JAK1: variants seen among roughly 807,000 people sequenced by gnomAD.
The protein encoded by JAK1 is tyrosine-protein kinase JAK1.
Under a neutral mutation model 136.6 loss-of-function variants are expected in JAK1, and 16 were observed. That is an observed-to-expected ratio of 0.12 (90% CI 0.08 to 0.18). The LOEUF is 0.18. JAK1 is among the 10% of genes least tolerant of loss of function. The pLI is 1.00. For missense variants in JAK1, 859 were observed against 1,450.1 expected (o/e 0.59, Z 6.62); for synonymous variants, 492 against 519.5 (o/e 0.95, Z 0.72).
chr1:65,023,104 C>T (rs1646950576), intron 2 of JAK1: 1 of 151,686 alleles, frequency 6.6e-6, no homozygotes, highest in Admixed American at 6.6e-5. Flanking sequence ...GGTTCAATGA[C>T]TTTTTTTTAA....
intron 2 of JAK1, chr1:64,990,403 T>A (rs1260037661): frequency 1.3e-5 from 2 of 151,338 alleles, no homozygotes; most frequent in Non-Finnish European, 2.9e-5. Context: ...TCTGCAAAAA[T>A]AGGAAAAGTT....
chr1:65,017,853 C>T (rs534358137), intron 2 of JAK1, among the ~76,000 whole-genome samples: 6 of 149,816 alleles, frequency 4.0e-5, no homozygotes, highest in South Asian at 2.1e-4. Context: ...TCACTCTTGT[C>T]GCCCAGGCTG....
At position 64,984,028 on chromosome 1, in the gene JAK1, C is replaced by A. The variant is rs1258503094; in HGVS notation, c.-78+60452G>T. Among the ~76,000 whole-genome samples, 1 of 152,224 alleles carries A rather than the reference C, an allele frequency of 6.6e-6. No homozygotes were observed. The highest frequency in any genetic ancestry group is 1.9e-4 in the East Asian group (1 of 5,200). On this transcript the variant is annotated intron_variant, in intron 2 of 25. Coordinates refer to the JAK1 transcript ENST00000671954. This position sits in a 1 kb window ranked among gnomAD's most constrained non-coding sequence, Gnocchi z 4.1. ...CACCTTAACCGCTCCAGCATCAAAT[C>A]TTCTACTCTATAACCTCTTTTAAAC... is the stretch of plus-strand genomic sequence containing the variant.
At chr1:64,919,800 G>C (rs987465409) in intron 1 of JAK1, among the ~76,000 whole-genome samples, 1 of 152,028 alleles carries the variant, frequency 6.6e-6, no homozygotes, top group African/African-American at 2.4e-5. Context: ...TTTTCCTAAT[G>C]AGTCTTTCAA....
At chr1:65,021,438 C>CTTGTCCCAGGCTA (rs1646936041) in intron 2 of JAK1, among the ~76,000 whole-genome samples, 1 of 152,162 alleles carries the variant, frequency 6.6e-6, no homozygotes, top group Non-Finnish European at 1.5e-5. Flanking sequence ...TTACCTTTTT[C>CTTGTCCCAGGCTA]CTTGTCCCAG....
At chr1:64,943,348 G>T (rs1645923885) in intron 1 of JAK1, among the ~76,000 whole-genome samples, 1 of 152,128 alleles carries the variant, frequency 6.6e-6, no homozygotes, top group African/African-American at 2.4e-5. Flanking sequence ...TGTCTCACTG[G>T]CATCAACTGC....
rs1647026629 is a variant in JAK1, at chr1:65,031,888, A to T, written c.-78+12592T>A. On this transcript the variant is annotated intron_variant, in intron 2 of 25. Coordinates refer to the JAK1 transcript ENST00000671954. ...CTGTATCAAAATTAAAAATTAAAGA[A>T]ATGTGCTTTGTATCTCAAAGACCCT... 2.6e-5 allele frequency among the ~76,000 whole-genome samples: 4 copies of T among 152,240 alleles called. 1 individual carries two copies. In the South Asian group the frequency reaches 8.3e-4, roughly 32 times the overall value.
chr1:64,882,760 G>C (rs1216008202), intron 3 of JAK1, among the ~76,000 whole-genome samples: 1 of 152,140 alleles, frequency 6.6e-6, no homozygotes, highest in Non-Finnish European at 1.5e-5. Flanking sequence ...ACTTGACTAA[G>C]CCACAAAGCA....
At chr1:65,060,450 G>A (rs2100888039) in intron 1 of JAK1, among the ~76,000 whole-genome samples, 1 of 152,268 alleles carries the variant, frequency 6.6e-6, no homozygotes, top group East Asian at 1.9e-4. Context: ...GTGATTCAAT[G>A]TCTAAATATG....
intron 1 of JAK1, among the ~76,000 whole-genome samples, chr1:65,052,252 T>C (rs996157428): frequency 6.6e-5 from 10 of 151,868 alleles, no homozygotes; most frequent in African/African-American, 2.4e-4. Context: ...CACATTCTTG[T>C]ACTTGGCAAT....
intron 2 of JAK1, among the ~76,000 whole-genome samples, chr1:65,014,565 A>G (rs975353207): frequency 6.6e-6 from 1 of 152,204 alleles, no homozygotes; most frequent in East Asian, 1.9e-4. Flanking sequence ...GGAGATCATT[A>G]TCAAAGGAAT....
chr1:64,985,151 AT>A (rs746460031), intron 2 of JAK1: 16 of 1,304,976 alleles, frequency 1.2e-5, no homozygotes, highest in Non-Finnish European at 1.8e-5. Flanking sequence ...TGAAGATAGT[AT>A]TAACCACACC....
intron 1 of JAK1, among the ~76,000 whole-genome samples, chr1:64,927,389 T>A (rs749797429): frequency 3.9e-5 from 6 of 152,180 alleles, no homozygotes; most frequent in Non-Finnish European, 8.8e-5. Flanking sequence ...TCCATCTTCA[T>A]CCAGCCAAGG....
At chr1:65,024,620 T>C (rs948966241) in intron 2 of JAK1, among the ~76,000 whole-genome samples, 2 of 148,296 alleles carry the variant, frequency 1.3e-5, no homozygotes, top group African/African-American at 2.5e-5. Flanking sequence ...CTGAAAGTTC[T>C]TGGAGGTAGT....
chr1:64,993,836 G>A lies in JAK1; in HGVS notation c.-78+50644C>T, dbSNP rs192317891. Reference sequence around the variant, plus strand: ...AATTTTTGTATTTTTCAGTAGAGATGGGGTTTCGCCATGTTGGCCAGGCTG... The same window carrying A: ...AATTTTTGTATTTTTCAGTAGAGATAGGGTTTCGCCATGTTGGCCAGGCTG... On this transcript the variant is annotated intron_variant, in intron 2 of 25. Coordinates refer to the JAK1 transcript ENST00000671954. 3.9e-3 allele frequency among the ~76,000 whole-genome samples: 591 copies of A among 152,148 alleles called. 5 individuals carry two copies. Among genetic ancestry groups the A allele is most frequent in the African/African-American group, 0.011 (467 of 41,512 alleles).
chr1:65,062,980 C>T (rs1264873796), intron 1 of JAK1, among the ~76,000 whole-genome samples: 3 of 152,126 alleles, frequency 2.0e-5, no homozygotes, highest in Non-Finnish European at 2.9e-5. Flanking sequence ...GGGATAGCAC[C>T]GAATAGCTCC....
At chr1:64,860,964 G>A (rs566539668) in intron 8 of JAK1, among the ~76,000 whole-genome samples, 56 of 132,610 alleles carry the variant, frequency 4.2e-4, no homozygotes, top group African/African-American at 1.5e-3. Flanking sequence ...GTGTGTGTGT[G>A]TGTATGTGTG....
chr1:64,924,000 T>C (rs1392727317), intron 1 of JAK1, among the ~76,000 whole-genome samples: 1 of 152,232 alleles, frequency 6.6e-6, no homozygotes, highest in Non-Finnish European at 1.5e-5. Flanking sequence ...ATTTCAATAG[T>C]AATTGCTCTG....
At chr1:64,864,199 A>C (rs1656550669) in intron 8 of JAK1, among the ~76,000 whole-genome samples, 2 of 152,158 alleles carry the variant, frequency 1.3e-5, no homozygotes, top group East Asian at 3.9e-4. Context: ...CTCTCTCTGC[A>C]TGTTGTTGGC....
Sources: gnomAD v4.1 joint callset for allele counts (sites outside exome capture counted in the v4.1 genomes callset) on GRCh38, gnomAD v4.1.1 for gene constraint, Gnocchi (gnomAD v3.1) non-coding constraint, MANE v1.5 for transcripts, NCBI Gene and HGNC (gene_info 2026-07-23, HGNC 2026-07-21) for gene names.